COLEC11: variants seen among roughly 807,000 people sequenced by gnomAD.
COLEC11 encodes the protein collectin-11.
COLEC11 carries 20 observed loss-of-function variants against 27.3 expected under a neutral mutation model. The observed-to-expected ratio is 0.73, with a 90% CI of 0.51 to 1.06. COLEC11 has a LOEUF of 1.06. Among genes scored for constraint, COLEC11 ranks in the 50% least tolerant of loss-of-function variants. The pLI is 0.00. For synonymous variants in COLEC11, 163 were observed against 154.7 expected (o/e 1.05, Z -0.40); for missense variants, 310 against 383.0 (o/e 0.81, Z 1.59).
intron 3 of COLEC11, 107 bp downstream of exon 3, chr2:3,613,489 T>G (rs1663402691): frequency 4.3e-6 from 5 of 1,159,876 alleles, no homozygotes; most frequent in South Asian, 1.3e-5. Flanking sequence ...GGACAGGCCC[T>G]GCCCTCTGGG....
Position 3,637,513 on chromosome 2 carries a change from G to T in COLEC11, c.203-20G>T. ...TGTCACCTGTGCATCGACCAACTTT[G>T]CTCTTATTGTTTTCTACAGGAGACA... On this transcript the variant is annotated intron_variant, in intron 3 of 6. Coordinates refer to ENST00000349077, the MANE Select transcript of COLEC11 (RefSeq NM_024027.5). 6.2e-7 allele frequency: 1 copy of T among 1,611,718 alleles called. No individual in the cohort carries two copies. The highest frequency in any genetic ancestry group is 8.5e-7 in the Non-Finnish European group (1 of 1,177,838).
At chr2:3,617,762 C>T in intron 3 of COLEC11, 1 of 1,111,988 alleles carries the variant, frequency 9.0e-7, no homozygotes, top group Non-Finnish European at 1.4e-6. Context: ...TGAGTTGTCG[C>T]TTTTGATTTT....
At chr2:3,595,495 A>G (rs759107493) in intron 1 of COLEC11, among the ~76,000 whole-genome samples, 3 of 152,236 alleles carry the variant, frequency 2.0e-5, no homozygotes, top group Non-Finnish European at 4.4e-5. Context: ...AGTCTTCGCT[A>G]ATTCCAAACC....
At chr2:3,635,633 C>G (rs1239810128) in intron 3 of COLEC11, among the ~76,000 whole-genome samples, 1 of 152,230 alleles carries the variant, frequency 6.6e-6, no homozygotes, top group Non-Finnish European at 1.5e-5. Flanking sequence ...GAGCTCTGAT[C>G]CCTGCAGCCA....
Position 3,624,577 on chromosome 2 carries a change from C to T in COLEC11, c.202+11195C>T, listed in dbSNP as rs529565607. Among the ~76,000 whole-genome samples, 24 of 152,286 alleles carry T rather than the reference C, an allele frequency of 1.6e-4. No homozygotes were observed. The South Asian group carries it at 1.7e-3, about 11-fold the overall frequency. On this transcript the variant is annotated intron_variant, in intron 3 of 6. Coordinates refer to ENST00000349077, the MANE Select transcript of COLEC11 (RefSeq NM_024027.5). ...TACTCCAGTGGGAAAAAACATGGGC[C>T]AAGGGGGTTTCCCTGGGCACTGAGC...
At chr2:3,606,146 C>T in intron 2 of COLEC11, 5 of 1,550,544 alleles carry the variant, frequency 3.2e-6, no homozygotes, top group Non-Finnish European at 4.4e-6. Flanking sequence ...GAAACGGTGG[C>T]TGTGGAGAGC....
At chr2:3,603,402 C>T (rs775066729) in intron 1 of COLEC11, 10 of 496,050 alleles carry the variant, frequency 2.0e-5, no homozygotes, top group African/African-American at 3.9e-5. Context: ...CTGCAACCTC[C>T]GCCTCCTGGG....
Position 3,643,774 on chromosome 2 carries a change from AAGG to A in COLEC11, c.478_480del (p.Glu160del). 6.2e-7 allele frequency: 1 copy of A among 1,613,572 alleles called. No individual in the cohort carries two copies. Among genetic ancestry groups the A allele is most frequent in the East Asian group, 2.2e-5 (1 of 44,872 alleles). ...GGAGAGCAAGATCTACCTGCTGGTG[AAGG>A]AGGAGAAGCGCTACGCGGACGCCCA... On this transcript the variant is annotated inframe_deletion, in exon 7 of 7. Coordinates refer to ENST00000349077, the MANE Select transcript of COLEC11 (RefSeq NM_024027.5).
chr2:3,634,367 A>G (rs748578938), intron 3 of COLEC11, among the ~76,000 whole-genome samples: 1 of 152,140 alleles, frequency 6.6e-6, no homozygotes, highest in Non-Finnish European at 1.5e-5. Context: ...CTGGCTTTGC[A>G]TTTCTATGGG....
At chr2:3,604,531 C>T in intron 2 of COLEC11, 61 bp downstream of exon 2, 1 of 1,567,318 alleles carries the variant, frequency 6.4e-7, no homozygotes, top group East Asian at 2.2e-5. Flanking sequence ...TGAGAGACTC[C>T]CATGCAACTG....
At chr2:3,604,956 AG>A (rs1662525490) in intron 2 of COLEC11, 1 of 430,542 alleles carries the variant, frequency 2.3e-6, no homozygotes, top group African/African-American at 2.1e-5. Context: ...GAAAAAAAAA[AG>A]ACAGGAACTT....
intron 4 of COLEC11, among the ~76,000 whole-genome samples, chr2:3,638,750 C>T (rs1665629144): frequency 6.6e-6 from 1 of 152,202 alleles, no homozygotes; most frequent in African/African-American, 2.4e-5. Context: ...GTGAAGAGCA[C>T]GCAGAGAACC....
At chr2:3,605,235 G>C in intron 2 of COLEC11, 2 of 402,562 alleles carry the variant, frequency 5.0e-6, no homozygotes, top group Non-Finnish European at 1.0e-5. Context: ...TCGGGTGGCA[G>C]GGCCGGGGCT....
chr2:3,604,845 C>G (rs1019489513), intron 2 of COLEC11, among the ~76,000 whole-genome samples: 2 of 151,966 alleles, frequency 1.3e-5, no homozygotes, highest in African/African-American at 2.4e-5. Flanking sequence ...AAATTTGCAA[C>G]TTGTGTTAAG....
At chr2:3,616,789 G>A (rs574564447) in intron 3 of COLEC11, among the ~76,000 whole-genome samples, 3,575 of 152,098 alleles carry the variant, frequency 0.024, 153 homozygotes, top group African/African-American at 0.08. Context: ...GAGGGAGAGG[G>A]AGACCGTGGG....
intron 4 of COLEC11, among the ~76,000 whole-genome samples, chr2:3,637,977 A>T (rs1056330567): frequency 6.6e-6 from 1 of 152,178 alleles, no homozygotes; most frequent in African/African-American, 2.4e-5. Flanking sequence ...GAGGCACGGC[A>T]TCTGTTCCCC....
At chr2:3,612,337 G>A (rs1663272912) in intron 2 of COLEC11, among the ~76,000 whole-genome samples, 1 of 152,118 alleles carries the variant, frequency 6.6e-6, no homozygotes, top group Non-Finnish European at 1.5e-5. Context: ...TAAGAAATAC[G>A]GCCTTATAAA....
rs549218583 is a variant in COLEC11, at chr2:3,625,198, C to T, written c.202+11816C>T. On this transcript the variant is annotated intron_variant, in intron 3 of 6. Transcript: ENST00000349077. ...CTCCCTCCTTTCTTCCTTCCTTCTCCCACTTAGAAGTGGCAGCAGGCTTTT... is the reference window on the plus strand; with the variant it reads ...CTCCCTCCTTTCTTCCTTCCTTCTCTCACTTAGAAGTGGCAGCAGGCTTTT... 3.3e-5 allele frequency among the ~76,000 whole-genome samples: 5 copies of T among 152,310 alleles called. No homozygotes were observed. The South Asian group carries it at 1.0e-3, about 32-fold the overall frequency.
chr2:3,638,059 C>T (rs115348014), intron 4 of COLEC11, among the ~76,000 whole-genome samples: 3,611 of 152,304 alleles, frequency 0.024, 117 homozygotes, highest in African/African-American at 0.073. Flanking sequence ...ATGGCAGCAG[C>T]GGGTGTGGGC....
Sources: allele counts gnomAD v4.1 joint callset (sites outside exome capture counted in the v4.1 genomes callset), GRCh38; gene constraint gnomAD v4.1.1; transcripts MANE v1.5; gene names NCBI Gene and HGNC (gene_info 2026-07-23, HGNC 2026-07-21).